Variants in CDH2 observed in about 807,000 individuals in gnomAD.
The protein encoded by CDH2 is cadherin-2.
A neutral mutation model predicts 92.0 loss-of-function variants in CDH2; 17 were observed. The observed-to-expected ratio is 0.18, with a 90% confidence interval of 0.13 to 0.28. CDH2 has a LOEUF of 0.28. CDH2 is among the 10% of genes least tolerant of loss of function. The probability of loss-of-function intolerance (pLI) is 1.00; values close to 1 mark genes in which losing one functional copy is unlikely to be tolerated. For synonymous variants in CDH2, 419 were observed against 415.9 expected (o/e 1.01, Z -0.09); for missense variants, 862 against 1,133.1 (o/e 0.76, Z 3.44).
At chr18:28,098,548 A>G (rs994725477) in intron 2 of CDH2, among the ~76,000 whole-genome samples, 1 of 151,902 alleles carries the variant, frequency 6.6e-6, no homozygotes. Flanking sequence ...CGATAGCACT[A>G]TAACTCATGC....
intron 6 of CDH2, among the ~76,000 whole-genome samples, chr18:27,941,104 T>C (rs369370231): frequency 2.4e-4 from 36 of 151,126 alleles, no homozygotes; most frequent in Admixed American, 6.6e-4. Flanking sequence ...GGTGCTGTCT[T>C]GGCTCACTGC....
intron 2 of CDH2, among the ~76,000 whole-genome samples, chr18:28,075,491 AC>A (rs2014702037): frequency 6.6e-6 from 1 of 152,206 alleles, no homozygotes; most frequent in South Asian, 2.1e-4. Context: ...GGATGAACAA[AC>A]AGGGAACTGA....
At chr18:27,992,218 G>A (rs1318164451) in intron 9 of CDH2, among the ~76,000 whole-genome samples, 3 of 152,042 alleles carry the variant, frequency 2.0e-5, no homozygotes, top group Non-Finnish European at 2.9e-5. Flanking sequence ...CAGCTGTGAG[G>A]CATCATTCTT....
intron 2 of CDH2, among the ~76,000 whole-genome samples, chr18:28,078,677 A>ATT (rs5823582): frequency 4.1e-4 from 59 of 144,490 alleles, no homozygotes; most frequent in African/African-American, 1.3e-3. Context: ...TTGTACATTG[A>ATT]TTTTTTTTTT....
chr18:28,130,311 A>G (rs2015745471), intron 2 of CDH2, among the ~76,000 whole-genome samples: 1 of 152,196 alleles, frequency 6.6e-6, no homozygotes, highest in Non-Finnish European at 1.5e-5. Flanking sequence ...CCTCCACCCA[A>G]GAAAGCAAGG....
At chr18:28,149,231 A>C (rs1392454887) in intron 1 of CDH2, among the ~76,000 whole-genome samples, 4 of 152,322 alleles carry the variant, frequency 2.6e-5, no homozygotes, top group Middle Eastern at 3.4e-3. Context: ...CATGTGCAGG[A>C]ATGTCCACTG....
At chr18:28,068,897 A>G (rs575481423) in intron 2 of CDH2, among the ~76,000 whole-genome samples, 3 of 152,312 alleles carry the variant, frequency 2.0e-5, no homozygotes, top group Admixed American at 6.5e-5. Flanking sequence ...CTTAGATTAC[A>G]TAGAGGACAA....
rs537044584 is a variant in CDH2 at position 28,161,287 on chromosome 18, A to G, written c.61-13503T>C. ...ATCATTTGGTTTGGGAACTCTTTAA[A>G]AAGTAAAGCTGGCCGGGCACAGTGG... On this transcript the variant is annotated intron_variant, in intron 1 of 15. Transcript: ENST00000269141. Among the ~76,000 whole-genome samples the G allele has an allele frequency of 7.6e-4, 115 of 152,156 alleles. 3 individuals are homozygous for G. In the South Asian group the frequency reaches 0.023, roughly 30 times the overall value.
At chr18:27,946,800 G>C (rs1383938098), downstream of CDH2, among the ~76,000 whole-genome samples, 2 of 151,814 alleles carry the variant, frequency 1.3e-5, no homozygotes, top group African/African-American at 2.4e-5. Flanking sequence ...TGACCAAGTA[G>C]GTTTATTCCA....
intron 13 of CDH2, 77 bp downstream of exon 13, chr18:27,984,923 C>T: frequency 8.9e-7 from 1 of 1,123,472 alleles, no homozygotes; most frequent in South Asian, 1.4e-5. Context: ...CTTTGCCAGG[C>T]AATAGCAACA....
At chr18:28,081,645 A>T (rs1329112759) in intron 2 of CDH2, among the ~76,000 whole-genome samples, 1 of 152,206 alleles carries the variant, frequency 6.6e-6, no homozygotes, top group Non-Finnish European at 1.5e-5. Context: ...ACTTATGTGT[A>T]ACAATGCTTG....
chr18:28,036,649 G>T, intron 2 of CDH2: 2 of 807,084 alleles, frequency 2.5e-6, no homozygotes, highest in East Asian at 2.5e-5. Context: ...TTGAGCTGAC[G>T]GAAATGCCGA....
chr18:28,148,423 T>C (rs533894013), intron 1 of CDH2, among the ~76,000 whole-genome samples: 1 of 152,328 alleles, frequency 6.6e-6, no homozygotes, highest in South Asian at 2.1e-4. Flanking sequence ...CAAGTATCTG[T>C]CATTTTCTAT....
chr18:28,176,873 C>A, intron 1 of CDH2, 90 bp downstream of exon 1: 1 of 695,790 alleles, frequency 1.4e-6, no homozygotes, highest in Non-Finnish European at 1.8e-6. Context: ...GGGTGCGCAG[C>A]CCGGCCCCGC....
intron 2 of CDH2, among the ~76,000 whole-genome samples, chr18:28,072,972 C>T (rs1011951245): frequency 3.3e-5 from 5 of 152,094 alleles, no homozygotes; most frequent in African/African-American, 9.7e-5. Context: ...ATCTAGCATC[C>T]CTATTACTGT....
At chr18:27,941,130 G>C (rs1909128857) in intron 6 of CDH2, among the ~76,000 whole-genome samples, 1 of 151,140 alleles carries the variant, frequency 6.6e-6, no homozygotes, top group Non-Finnish European at 1.5e-5. Context: ...CTGCCTCCCG[G>C]GTTCACGCCA....
intron 14 of CDH2, among the ~76,000 whole-genome samples, chr18:27,971,880 T>C (rs1292768277): frequency 6.6e-6 from 1 of 152,196 alleles, no homozygotes; most frequent in African/African-American, 2.4e-5. Flanking sequence ...GCAGAATAAA[T>C]TTATAAAGCG....
At chr18:28,100,851 C>T (rs2015215217) in intron 2 of CDH2, among the ~76,000 whole-genome samples, 1 of 152,138 alleles carries the variant, frequency 6.6e-6, no homozygotes, top group Admixed American at 6.5e-5. Context: ...TCACTATGGG[C>T]CACATCAATG....
intron 2 of CDH2, among the ~76,000 whole-genome samples, chr18:28,074,539 C>T (rs2014681582): frequency 6.6e-6 from 1 of 152,020 alleles, no homozygotes; most frequent in Non-Finnish European, 1.5e-5. Context: ...AGCCACCACG[C>T]CCGGACGGGT....
Sources: gnomAD v4.1 joint callset for allele counts (sites outside exome capture counted in the v4.1 genomes callset) on GRCh38, gnomAD v4.1.1 for gene constraint, MANE v1.5 for transcripts, NCBI Gene and HGNC (gene_info 2026-07-23, HGNC 2026-07-21) for gene names.